Variants in MSRB3 observed in about 807,000 individuals in gnomAD.
MSRB3 encodes methionine sulfoxide reductase B3, also known as methionine-R-sulfoxide reductase B3.
Under a neutral mutation model 21.0 loss-of-function variants are expected in MSRB3, and 13 were observed. The ratio of observed to expected loss-of-function variants is 0.62; its 90% confidence interval spans 0.40 to 0.98. The LOEUF (loss-of-function observed/expected upper bound fraction) is 0.98, where lower values mean the gene tolerates loss of function less well. MSRB3 is among the 50% of genes least tolerant of loss of function. The pLI is 0.00. For missense variants in MSRB3, 199 were observed against 230.3 expected, an observed-to-expected ratio of 0.86 and a Z score of 0.88; for synonymous variants, 87 against 88.6, an observed-to-expected ratio of 0.98 and a Z score of 0.10.
At position 65,444,380 on chromosome 12, in the gene MSRB3, G is replaced by T. The variant is rs535575044; in HGVS notation, c.293-9348G>T. On this transcript the variant is annotated intron_variant, in intron 5 of 6. Coordinates refer to ENST00000308259, the MANE Select transcript of MSRB3 (RefSeq NM_001031679.3). The stretch of plus-strand genomic sequence containing the variant: ...TTAAAAATAAAATAAAAATCAAAAA[G>T]ATTCTTGTAGTCTTTCTTCAAATAT... 2.9e-4 allele frequency among the ~76,000 whole-genome samples: 44 copies of T among 152,126 alleles called. 1 individual carries two copies. Among genetic ancestry groups the T allele is most frequent in the Non-Finnish European group, 4.7e-4 (32 of 67,994 alleles).
chr12:65,312,098 T>G (rs990019379), intron 2 of MSRB3, among the ~76,000 whole-genome samples: 1 of 152,080 alleles, frequency 6.6e-6, no homozygotes, highest in Non-Finnish European at 1.5e-5. Flanking sequence ...GCTCTGTCCT[T>G]AACTTGCGTG....
At chr12:65,316,747 C>A (rs141480241) in intron 2 of MSRB3, among the ~76,000 whole-genome samples, 1 of 152,064 alleles carries the variant, frequency 6.6e-6, no homozygotes, top group Non-Finnish European at 1.5e-5. Context: ...GAAGGTTTGA[C>A]GATTCTATAT....
chr12:65,289,925 AT>A (rs1190894888), intron 1 of MSRB3, among the ~76,000 whole-genome samples: 2 of 152,168 alleles, frequency 1.3e-5, no homozygotes, highest in Non-Finnish European at 2.9e-5. Context: ...TGTTTTCTTT[AT>A]CCCCCACAAA....
chr12:65,307,624 CA>C (rs1379827686), intron 1 of MSRB3, among the ~76,000 whole-genome samples: 7 of 151,638 alleles, frequency 4.6e-5, no homozygotes, highest in Non-Finnish European at 1.0e-4. Flanking sequence ...TAATCTTTAC[CA>C]ATTGAAATAT....
intron 4 of MSRB3, among the ~76,000 whole-genome samples, chr12:65,366,063 G>A (rs1165669827): frequency 6.6e-6 from 1 of 152,164 alleles, no homozygotes; most frequent in Non-Finnish European, 1.5e-5. Flanking sequence ...GTTCCAAAGT[G>A]ATCTAGTCCA....
chr12:65,422,398 A>G (rs540389112), intron 5 of MSRB3, among the ~76,000 whole-genome samples: 1 of 26,700 alleles, frequency 3.7e-5, no homozygotes, highest in Admixed American at 3.8e-4. Flanking sequence ...GTATATATAT[A>G]TATATATATA....
intron 1 of MSRB3, among the ~76,000 whole-genome samples, chr12:65,283,433 ATT>A (rs202103470): frequency 5.5e-5 from 8 of 144,370 alleles, no homozygotes; most frequent in African/African-American, 5.1e-5. Flanking sequence ...ATCACCTAGA[ATT>A]TTTTTTTTTT....
chr12:65,433,528 G>A (rs150795638), intron 5 of MSRB3, among the ~76,000 whole-genome samples: 43 of 151,892 alleles, frequency 2.8e-4, no homozygotes, highest in African/African-American at 9.9e-4. Flanking sequence ...GCACAGAATG[G>A]TGTGAGGGAG....
intron 5 of MSRB3, among the ~76,000 whole-genome samples, chr12:65,451,050 T>C (rs188676549): frequency 6.6e-6 from 1 of 152,300 alleles, no homozygotes; most frequent in Non-Finnish European, 1.5e-5. Context: ...CATTCTCCTT[T>C]GTTAACCTTA....
intron 1 of MSRB3, among the ~76,000 whole-genome samples, chr12:65,290,428 A>G (rs958121809): frequency 2.0e-5 from 3 of 152,204 alleles, no homozygotes; most frequent in Admixed American, 1.3e-4. Flanking sequence ...TTTTTAAGAT[A>G]TTTAAACATT....
intron 5 of MSRB3, among the ~76,000 whole-genome samples, chr12:65,383,356 T>C (rs1592585758): frequency 1.3e-5 from 2 of 152,160 alleles, no homozygotes; most frequent in African/African-American, 4.8e-5. Context: ...TCTTTCATGA[T>C]TGTGATAAGT....
At chr12:65,448,261 A>G (rs1234473477) in intron 5 of MSRB3, among the ~76,000 whole-genome samples, 1 of 152,164 alleles carries the variant, frequency 6.6e-6, no homozygotes, top group Non-Finnish European at 1.5e-5. Context: ...TCGATTTTTC[A>G]TTTATGAGAT....
chr12:65,387,596 C>A (rs7964344), intron 5 of MSRB3, among the ~76,000 whole-genome samples: 98,863 of 152,062 alleles, frequency 0.65, 32,273 homozygotes, highest in Admixed American at 0.72. Context: ...TCAGACAGAC[C>A]ATCATTTGAA....
chr12:65,329,567 T>C (rs1875275280), intron 4 of MSRB3, among the ~76,000 whole-genome samples: 1 of 151,956 alleles, frequency 6.6e-6, no homozygotes, highest in Non-Finnish European at 1.5e-5. Flanking sequence ...GGAGAATCAC[T>C]TGAACCCAGG....
At chr12:65,437,846 A>T (rs1188162478) in intron 5 of MSRB3, among the ~76,000 whole-genome samples, 1 of 151,892 alleles carries the variant, frequency 6.6e-6, no homozygotes, top group Non-Finnish European at 1.5e-5. Flanking sequence ...TTTTTGCTAG[A>T]AGTTTTGCTA....
chr12:65,283,557 G>C (rs1263991663), intron 1 of MSRB3: 1 of 151,998 alleles, frequency 6.6e-6, no homozygotes, highest in Non-Finnish European at 1.5e-5. Context: ...CCAGCCTTCT[G>C]AGTAGCTGGG....
At chr12:65,358,022 C>G (rs1877487321) in intron 4 of MSRB3, among the ~76,000 whole-genome samples, 1 of 151,892 alleles carries the variant, frequency 6.6e-6, no homozygotes, top group African/African-American at 2.4e-5. Flanking sequence ...ATTTATGTTC[C>G]CCATCCTTGA....
Position 65,414,448 on chromosome 12 carries a change from CTATGTTTAGA to C in MSRB3, c.293-39267_293-39258del, listed in dbSNP as rs561552431. On this transcript the variant is annotated intron_variant, in intron 5 of 6. Transcript: ENST00000308259. ...ATATCATATTTTTGCTTTACTTTTTCTATGTTTAGATATGTTTAGATACACAAATACTTAT... is the reference window on the plus strand; with the variant it reads ...ATATCATATTTTTGCTTTACTTTTTCTATGTTTAGATACACAAATACTTAT... Among the ~76,000 whole-genome samples the C allele has an allele frequency of 1.3e-4, 20 of 152,208 alleles. No individual in the cohort carries two copies. The South Asian group carries it at 4.2e-3, about 32-fold the overall frequency.
intron 1 of MSRB3, chr12:65,286,083 A>G (rs953235031): frequency 1.3e-5 from 2 of 152,198 alleles, no homozygotes; most frequent in Non-Finnish European, 2.9e-5. Flanking sequence ...CTACTATAAA[A>G]CTTTGAAATA....
Sources: gnomAD v4.1 joint callset for allele counts (sites outside exome capture counted in the v4.1 genomes callset) on GRCh38, gnomAD v4.1.1 for gene constraint, MANE v1.5 for transcripts, NCBI Gene and HGNC (gene_info 2026-07-23, HGNC 2026-07-21) for gene names.